CDH18: variants seen among roughly 807,000 people sequenced by gnomAD.
CDH18 encodes the protein cadherin 18, also known as cadherin-18.
CDH18 carries 31 observed loss-of-function variants against 67.9 expected under a neutral mutation model. The observed-to-expected ratio is 0.46, with a 90% CI of 0.34 to 0.62. The LOEUF is 0.62. Among genes scored for constraint, CDH18 ranks in the 20% least tolerant of loss-of-function variants. CDH18 has a pLI of 0.01. For synonymous variants in CDH18, 362 were observed against 347.2 expected (o/e 1.04, Z -0.48); for missense variants, 890 against 975.5 (o/e 0.91, Z 1.17).
chr5:20,141,082 C>T (rs371987656), intron 2 of CDH18, among the ~76,000 whole-genome samples: 1 of 152,222 alleles, frequency 6.6e-6, no homozygotes, highest in East Asian at 1.9e-4. Flanking sequence ...TACTCTGCAT[C>T]CCCAGGAAGA....
Position 20,024,567 on chromosome 5 carries a change from G to A in CDH18, c.-517-32553C>T, listed in dbSNP as rs114845822. 6.1e-3 allele frequency among the ~76,000 whole-genome samples: 930 copies of A among 152,266 alleles called. 3 individuals are homozygous for A. The highest frequency in any genetic ancestry group is 0.014 in the Middle Eastern group (4 of 294). On this transcript the variant is annotated intron_variant, in intron 2 of 14. Transcript: ENST00000507958. ...TGAAGACCAGAATTTACAGATTTGT[G>A]TAAATGTATGGGCTTGTAGAATACA... is the stretch of plus-strand genomic sequence containing the variant.
intron 1 of CDH18, among the ~76,000 whole-genome samples, chr5:20,449,868 G>T (rs6884307): frequency 6.6e-6 from 1 of 151,740 alleles, no homozygotes; most frequent in Admixed American, 6.6e-5. Context: ...ATGAGTAAAC[G>T]TTGATAATTT....
intron 1 of CDH18, among the ~76,000 whole-genome samples, chr5:20,417,920 C>T (rs1747456660): frequency 6.6e-6 from 1 of 152,182 alleles, no homozygotes. Context: ...AGGCTCCCTT[C>T]TAACCTAAGC....
At chr5:20,027,071 C>A (rs986173137) in intron 2 of CDH18, among the ~76,000 whole-genome samples, 3 of 150,304 alleles carry the variant, frequency 2.0e-5, no homozygotes, top group African/African-American at 7.5e-5. Context: ...ATAAAATTTT[C>A]TTTTATGAAA....
chr5:20,006,473 G>A (rs901190854), intron 2 of CDH18, among the ~76,000 whole-genome samples: 5 of 151,656 alleles, frequency 3.3e-5, no homozygotes, highest in African/African-American at 9.7e-5. Flanking sequence ...TTTAAACTAC[G>A]AGGATATCTA....
intron 10 of CDH18, among the ~76,000 whole-genome samples, chr5:19,516,798 C>A (rs1010687468): frequency 1.9e-4 from 29 of 150,634 alleles, no homozygotes; most frequent in African/African-American, 7.2e-4. Flanking sequence ...TCAAAAAAAA[C>A]AAGCTCCTGG....
chr5:19,746,267 C>T (rs1769987050), intron 4 of CDH18, among the ~76,000 whole-genome samples: 1 of 152,146 alleles, frequency 6.6e-6, no homozygotes, highest in African/African-American at 2.4e-5. Flanking sequence ...GTTCTGTTGG[C>T]TGCAGTGTAG....
At chr5:20,011,282 AG>A (rs1737415244) in intron 2 of CDH18, among the ~76,000 whole-genome samples, 1 of 152,122 alleles carries the variant, frequency 6.6e-6, no homozygotes, top group Non-Finnish European at 1.5e-5. Flanking sequence ...CAGAAATGCT[AG>A]CAATTTTTGC....
At chr5:19,899,338 C>T (rs1191357756) in intron 2 of CDH18, among the ~76,000 whole-genome samples, 16 of 149,572 alleles carry the variant, frequency 1.1e-4, no homozygotes, top group African/African-American at 9.9e-5. Context: ...AGGCAGAGGT[C>T]ACAGTGAGCC....
intron 3 of CDH18, among the ~76,000 whole-genome samples, chr5:19,806,430 C>T (rs1454004871): frequency 6.6e-6 from 1 of 152,138 alleles, no homozygotes; most frequent in Non-Finnish European, 1.5e-5. Flanking sequence ...TATGTTGAAG[C>T]CACAACTTTT....
intron 2 of CDH18, among the ~76,000 whole-genome samples, chr5:20,220,691 C>G (rs537126724): frequency 1.1e-4 from 17 of 151,752 alleles, no homozygotes; most frequent in Non-Finnish European, 2.1e-4. Flanking sequence ...AGATACAACC[C>G]ACAGAATGGG....
chr5:20,379,160 G>A (rs1033681908), intron 1 of CDH18, among the ~76,000 whole-genome samples: 2 of 152,068 alleles, frequency 1.3e-5, no homozygotes, highest in Admixed American at 1.3e-4. Flanking sequence ...AACACAAAGA[G>A]AAACCATAAA....
At chr5:19,696,233 G>C (rs1319309456) in intron 5 of CDH18, among the ~76,000 whole-genome samples, 3 of 17,844 alleles carry the variant, frequency 1.7e-4, no homozygotes, top group African/African-American at 1.9e-4. Flanking sequence ...ATATGTGTGT[G>C]TGTGTGTGTG....
At chr5:19,666,421 T>G (rs986729904) in intron 5 of CDH18, among the ~76,000 whole-genome samples, 1 of 151,808 alleles carries the variant, frequency 6.6e-6, no homozygotes, top group Non-Finnish European at 1.5e-5. Flanking sequence ...AATGTAAATT[T>G]TGATAATCCA....
At chr5:19,814,366 A>C (rs950359369) in intron 3 of CDH18, among the ~76,000 whole-genome samples, 6 of 151,822 alleles carry the variant, frequency 4.0e-5, no homozygotes, top group African/African-American at 1.5e-4. Flanking sequence ...CTAAAAAAAA[A>C]CACTCTTGCA....
At chr5:19,735,843 C>A (rs1264377352) in intron 4 of CDH18, among the ~76,000 whole-genome samples, 1 of 152,120 alleles carries the variant, frequency 6.6e-6, no homozygotes. Flanking sequence ...TCAAAGGGCT[C>A]TAATATAGTT....
intron 5 of CDH18, among the ~76,000 whole-genome samples, chr5:19,629,732 G>T (rs1383704115): frequency 2.0e-5 from 3 of 151,920 alleles, no homozygotes; most frequent in African/African-American, 7.3e-5. Context: ...GGTTATCAAG[G>T]TATACTTCAA....
At chr5:19,943,120 T>C (rs1193222295) in intron 2 of CDH18, among the ~76,000 whole-genome samples, 1 of 152,112 alleles carries the variant, frequency 6.6e-6, no homozygotes, top group African/African-American at 2.4e-5. Flanking sequence ...CATCATATCA[T>C]CCCATATTCA....
chr5:20,459,614 ACTGAACATAATTATATGGATGGGCT>A (rs928681038), intron 1 of CDH18, among the ~76,000 whole-genome samples: 4 of 152,112 alleles, frequency 2.6e-5, no homozygotes, highest in Non-Finnish European at 5.9e-5. Context: ...GCCTCTGTGT[ACTGAACATAATTATATGGATGGGCT>A]CTGGGCATGT....
Sources: allele counts gnomAD v4.1 joint callset (sites outside exome capture counted in the v4.1 genomes callset), GRCh38; gene constraint gnomAD v4.1.1; transcripts MANE v1.5; gene names NCBI Gene and HGNC (gene_info 2026-07-23, HGNC 2026-07-21).